SPATA6: variants seen among roughly 807,000 people sequenced by gnomAD.
SPATA6 encodes spermatogenesis associated 6.
A neutral mutation model predicts 65.3 loss-of-function variants in SPATA6; 56 were observed. The observed-to-expected ratio is 0.86, with a 90% CI of 0.69 to 1.07. The LOEUF is 1.07. Ranked by LOEUF, SPATA6 falls within the 50% of genes least tolerant of loss-of-function variation. SPATA6 has a pLI of 0.00. For missense variants in SPATA6, 590 were observed against 594.8 expected, an observed-to-expected ratio of 0.99 and a Z score of 0.08; for synonymous variants, 199 against 213.2, an observed-to-expected ratio of 0.93 and a Z score of 0.58.
At chr1:48,344,999 A>G (rs1445714104) in intron 11 of SPATA6, among the ~76,000 whole-genome samples, 2 of 152,088 alleles carry the variant, frequency 1.3e-5, no homozygotes, top group Non-Finnish European at 2.9e-5. Context: ...CAGGACCTGA[A>G]CTCAGTTCTG....
chr1:48,292,128 T>C (rs1644772223), downstream of SPATA6, among the ~76,000 whole-genome samples: 1 of 152,230 alleles, frequency 6.6e-6, no homozygotes, highest in South Asian at 2.1e-4. Context: ...TGAATTTTCA[T>C]GCTTCTTTTA....
At chr1:48,331,881 A>G (rs1645926297) in intron 11 of SPATA6, among the ~76,000 whole-genome samples, 1 of 152,246 alleles carries the variant, frequency 6.6e-6, no homozygotes, top group Non-Finnish European at 1.5e-5. Flanking sequence ...ACCTCTCAAC[A>G]TAAACCCTAC....
At chr1:48,320,165 G>A (rs1479640986) in intron 11 of SPATA6, among the ~76,000 whole-genome samples, 1 of 152,066 alleles carries the variant, frequency 6.6e-6, no homozygotes, top group African/African-American at 2.4e-5. Context: ...TTAAAGAGGA[G>A]GTAGAAAAAG....
At chr1:48,401,295 A>T (rs1651138129) in intron 6 of SPATA6, among the ~76,000 whole-genome samples, 1 of 152,078 alleles carries the variant, frequency 6.6e-6, no homozygotes, top group South Asian at 2.1e-4. Context: ...TTATATATAT[A>T]CCTCTGATTA....
At chr1:48,351,882 G>C (rs1314674117) in intron 11 of SPATA6, among the ~76,000 whole-genome samples, 2 of 152,034 alleles carry the variant, frequency 1.3e-5, no homozygotes, top group African/African-American at 4.8e-5. Context: ...GGATTCACCA[G>C]AGAAACCATC....
chr1:48,447,057 T>A (rs1335144479), intron 3 of SPATA6, among the ~76,000 whole-genome samples: 2 of 152,176 alleles, frequency 1.3e-5, no homozygotes, highest in Non-Finnish European at 2.9e-5. Flanking sequence ...AGTAAATATA[T>A]TTTCTTTTTT....
chr1:48,390,849 A>AT, intron 8 of SPATA6, among the ~76,000 whole-genome samples: 1 of 152,304 alleles, frequency 6.6e-6, no homozygotes, highest in Non-Finnish European at 1.5e-5. Flanking sequence ...TGTATTCAGC[A>AT]TTTTTTATGG....
chr1:48,434,255 G>GAAA (rs1491260601), intron 3 of SPATA6, among the ~76,000 whole-genome samples: 20 of 33,426 alleles, frequency 6.0e-4, no homozygotes, highest in African/African-American at 1.4e-3. Flanking sequence ...ATACAGCAGT[G>GAAA]AAAGAAAAAA....
intron 11 of SPATA6, among the ~76,000 whole-genome samples, chr1:48,334,036 T>C (rs536416524): frequency 6.6e-6 from 1 of 152,194 alleles, no homozygotes; most frequent in East Asian, 1.9e-4. Context: ...CTAGAAGAAA[T>C]GGATAAATTC....
intron 9 of SPATA6, among the ~76,000 whole-genome samples, chr1:48,360,146 C>A (rs1040440188): frequency 6.6e-6 from 1 of 152,012 alleles, no homozygotes; most frequent in African/African-American, 2.4e-5. Context: ...AAATTCAGGT[C>A]TAATACTCAT....
intron 10 of SPATA6, among the ~76,000 whole-genome samples, chr1:48,358,736 G>A (rs1012829848): frequency 2.6e-5 from 4 of 152,022 alleles, no homozygotes; most frequent in South Asian, 2.1e-4. Context: ...CCACTATCCC[G>A]CAACAGGCAT....
At chr1:48,304,837 T>TTGTTA (rs1645022762) in intron 12 of SPATA6, among the ~76,000 whole-genome samples, 2 of 152,182 alleles carry the variant, frequency 1.3e-5, no homozygotes, top group South Asian at 4.1e-4. Flanking sequence ...GCACCCAAAA[T>TTGTTA]CGGGATGCTA....
chr1:48,434,551 A>C (rs1037766447), intron 3 of SPATA6, among the ~76,000 whole-genome samples: 1 of 152,012 alleles, frequency 6.6e-6, no homozygotes, highest in Admixed American at 6.6e-5. Context: ...TATGTTGGTA[A>C]GAGAAGGCCT....
intron 11 of SPATA6, among the ~76,000 whole-genome samples, chr1:48,315,702 G>A (rs1391081758): frequency 6.6e-6 from 1 of 152,162 alleles, no homozygotes; most frequent in Non-Finnish European, 1.5e-5. Flanking sequence ...CAATGAGGCA[G>A]GAGAAGGAAA....
At chr1:48,429,081 C>T (rs1654162138) in intron 3 of SPATA6, among the ~76,000 whole-genome samples, 1 of 150,926 alleles carries the variant, frequency 6.6e-6, no homozygotes, top group Admixed American at 6.6e-5. Flanking sequence ...CCACTGCAGG[C>T]AGATAAGTAC....
intron 8 of SPATA6, among the ~76,000 whole-genome samples, chr1:48,386,626 T>A (rs184801245): frequency 6.6e-6 from 1 of 152,292 alleles, no homozygotes; most frequent in East Asian, 1.9e-4. Context: ...TACTTCTCAA[T>A]ACACAGAAAG....
At position 48,305,809 on chromosome 1, in the gene SPATA6, A is replaced by G; in HGVS notation, c.1264T>C (p.Tyr422His). The change falls in exon 12 of 13, where the codon TAT becomes CAT. Residue 422 changes from tyrosine (Y) to histidine (H), a missense_variant. Coordinates refer to ENST00000371847, the MANE Select transcript of SPATA6 (RefSeq NM_019073.4). Reference sequence around the variant, plus strand: ...TACCTATACTCGGGGTCACTGTCATAGGCAGAGTCTCTACATAAAAGACTT... The same window carrying G: ...TACCTATACTCGGGGTCACTGTCATGGGCAGAGTCTCTACATAAAAGACTT... Reference protein sequence around the residue: ...KRSLLCRDSAYDSDPEYSSCQ... With the variant: ...KRSLLCRDSAHDSDPEYSSCQ... 2 of 1,611,992 alleles carry G rather than the reference A, an allele frequency of 1.2e-6. No individual in the cohort carries two copies. Among genetic ancestry groups the G allele is most frequent in the Non-Finnish European group, 1.7e-6 (2 of 1,178,648 alleles).
chr1:48,415,853 C>T (rs545826494), intron 3 of SPATA6, among the ~76,000 whole-genome samples: 2 of 152,072 alleles, frequency 1.3e-5, no homozygotes, highest in African/African-American at 2.4e-5. Flanking sequence ...AGAATAAATG[C>T]CCCCCAAAAT....
intron 11 of SPATA6, among the ~76,000 whole-genome samples, chr1:48,313,133 CAGG>C (rs1351610792): frequency 6.6e-6 from 1 of 152,156 alleles, no homozygotes; most frequent in Non-Finnish European, 1.5e-5. Flanking sequence ...GGATATTTTC[CAGG>C]AGAACTTCCC....
Sources: gnomAD v4.1 joint callset for allele counts (sites outside exome capture counted in the v4.1 genomes callset) on GRCh38, gnomAD v4.1.1 for gene constraint, MANE v1.5 for transcripts, NCBI Gene and HGNC (gene_info 2026-07-23, HGNC 2026-07-21) for gene names.